The following RPS6KA2 variants were observed in gnomAD, a reference collection of about 807,000 sequenced individuals.
RPS6KA2 encodes the protein ribosomal protein S6 kinase alpha-2.
In RPS6KA2, 42 loss-of-function variants were observed where a neutral mutation model predicts 91.8. The ratio of observed to expected loss-of-function variants is 0.46; its 90% CI spans 0.36 to 0.59. RPS6KA2 has a LOEUF of 0.59. RPS6KA2 is among the 20% of genes least tolerant of loss of function. RPS6KA2 has a pLI of 0.00. For synonymous variants in RPS6KA2, 414 were observed against 393.6 expected (o/e 1.05, Z -0.61); for missense variants, 798 against 978.5 (o/e 0.82, Z 2.46).
Position 166,495,550 on chromosome 6 carries a change from G to A in RPS6KA2, c.747+2958C>T, listed in dbSNP as rs1019079591. ...GGTGGGGACTCCAGGATGGGTGAAG[G>A]CTGCCGGGCACTGGGTCTGGGTGTG... On this transcript the variant is annotated intron_variant, in intron 8 of 20. Coordinates refer to ENST00000265678, the MANE Select transcript of RPS6KA2 (RefSeq NM_021135.6). This position sits in a 1 kb window ranked among gnomAD's most constrained non-coding sequence, Gnocchi z 4.4. 6.6e-6 allele frequency among the ~76,000 whole-genome samples: 1 copy of A among 152,134 alleles called. No individual in the cohort carries two copies. Among genetic ancestry groups the A allele is most frequent in the African/African-American group, 2.4e-5 (1 of 41,418 alleles).
intron 5 of RPS6KA2, among the ~76,000 whole-genome samples, chr6:166,506,569 T>G (rs1782233110): frequency 6.9e-6 from 1 of 144,814 alleles, no homozygotes; most frequent in African/African-American, 2.6e-5. Context: ...GTGTAGAGCT[T>G]GGATCAGGTT....
At chr6:166,752,771 C>T (rs898653391) in intron 2 of RPS6KA2, among the ~76,000 whole-genome samples, 6 of 152,188 alleles carry the variant, frequency 3.9e-5, no homozygotes, top group African/African-American at 1.4e-4. Context: ...TAGCCTCTCC[C>T]CCTGACTCTC....
intron 2 of RPS6KA2, among the ~76,000 whole-genome samples, chr6:166,690,559 G>A (rs373534661): frequency 1.3e-5 from 2 of 152,170 alleles, no homozygotes; most frequent in African/African-American, 2.4e-5. Context: ...TCGAAGACAC[G>A]CGTCGGAACT....
chr6:166,831,539 C>T (rs1259851977), intron 2 of RPS6KA2, among the ~76,000 whole-genome samples: 1 of 151,898 alleles, frequency 6.6e-6, no homozygotes, highest in Non-Finnish European at 1.5e-5. Context: ...TCACAGGCTC[C>T]TTCTTCCCAC....
At chr6:166,792,712 A>G (rs1244740580) in intron 2 of RPS6KA2, among the ~76,000 whole-genome samples, 1 of 152,244 alleles carries the variant, frequency 6.6e-6, no homozygotes, top group African/African-American at 2.4e-5. Flanking sequence ...ATGCAAATCA[A>G]TAAACATAAT....
rs373805754 is a variant in RPS6KA2 at position 166,498,788 on chromosome 6, C to T, written c.605-138G>A. The T allele has an allele frequency of 1.4e-4, 156 of 1,141,828 alleles. No homozygotes were observed. The African/African-American group carries it at 2.0e-3, about 15-fold the overall frequency. The allele number at this position is 1,141,828 out of a possible 1,614,324, so 70.7% of individuals were successfully genotyped here. A position where few individuals can be genotyped will look rare whatever the true frequency, so the allele number is the denominator to read the frequency against. ...GCAGCAGAGCCCTGCTCAGCAAAAG[C>T]GGGACCATGTGAGTGCTTCCCGAAG... On this transcript the variant is annotated intron_variant, in intron 7 of 20. Coordinates refer to ENST00000265678, the MANE Select transcript of RPS6KA2 (RefSeq NM_021135.6).
intron 1 of RPS6KA2, among the ~76,000 whole-genome samples, chr6:166,546,779 G>A (rs1408063019): frequency 6.6e-6 from 1 of 152,164 alleles, no homozygotes; most frequent in Non-Finnish European, 1.5e-5. Flanking sequence ...CAACATATTG[G>A]TGAATGTTTG....
intron 3 of RPS6KA2, among the ~76,000 whole-genome samples, chr6:166,517,248 AT>A (rs931705186): frequency 6.6e-6 from 1 of 152,126 alleles, no homozygotes; most frequent in Non-Finnish European, 1.5e-5. Flanking sequence ...TAATCCCAAC[AT>A]TTTGGGAGGC....
chr6:166,533,728 C>G lies in RPS6KA2; in HGVS notation c.217-2415G>C, dbSNP rs1323552297. 7.2e-5 allele frequency among the ~76,000 whole-genome samples: 11 copies of G among 152,202 alleles called. No individual in the cohort carries two copies. Among genetic ancestry groups the G allele is most frequent in the Admixed American group, 6.5e-4 (10 of 15,284 alleles). On this transcript the variant is annotated intron_variant, in intron 2 of 20. Transcript: ENST00000265678. The surrounding 1 kb of genome is among the most constrained non-coding windows in gnomAD (Gnocchi z 4.0). Reference sequence around the variant, plus strand: ...GACTTTGGTAGGGTGACAGATGAATCTATCCATTCCATTGCGGCGAAGCTG... The same window carrying G: ...GACTTTGGTAGGGTGACAGATGAATGTATCCATTCCATTGCGGCGAAGCTG...
chr6:166,833,169 A>G (rs1402449376), intron 2 of RPS6KA2, among the ~76,000 whole-genome samples: 1 of 152,244 alleles, frequency 6.6e-6, no homozygotes, highest in Non-Finnish European at 1.5e-5. Flanking sequence ...TGATGAAACA[A>G]GCTTAGAAAA....
chr6:166,840,769 C>T (rs1780451565), intron 2 of RPS6KA2, among the ~76,000 whole-genome samples: 1 of 152,140 alleles, frequency 6.6e-6, no homozygotes, highest in Non-Finnish European at 1.5e-5. Context: ...CGAGACCAGC[C>T]TGACCAACAT....
At chr6:166,649,324 CA>C (rs1167896400) in intron 2 of RPS6KA2, among the ~76,000 whole-genome samples, 1 of 152,204 alleles carries the variant, frequency 6.6e-6, no homozygotes, top group Non-Finnish European at 1.5e-5. Context: ...TGCATTTCCT[CA>C]TTTCCCATTA....
chr6:166,475,506 T>C (rs1355529512), intron 10 of RPS6KA2, among the ~76,000 whole-genome samples: 2 of 152,024 alleles, frequency 1.3e-5, no homozygotes, highest in African/African-American at 4.8e-5. Context: ...CCACACCCCG[T>C]CCAGCATCTG....
At chr6:166,510,125 G>A (rs1458306133) in intron 4 of RPS6KA2, 152 bp downstream of exon 4, 5 of 457,578 alleles carry the variant, frequency 1.1e-5, no homozygotes, top group Admixed American at 4.0e-5. Context: ...AAGTGATCAG[G>A]ATAGAAGGCA....
intron 2 of RPS6KA2, among the ~76,000 whole-genome samples, chr6:166,660,095 A>G (rs1162171242): frequency 6.6e-6 from 1 of 152,086 alleles, no homozygotes; most frequent in African/African-American, 2.4e-5. Context: ...TTAAACAAAC[A>G]TTTCCCATTA....
intron 2 of RPS6KA2, among the ~76,000 whole-genome samples, chr6:166,813,017 T>C (rs1779677700): frequency 6.6e-6 from 1 of 152,066 alleles, no homozygotes; most frequent in African/African-American, 2.4e-5. Context: ...CCAAACTAAA[T>C]CCTGAGACAC....
chr6:166,416,735 A>C (rs951633629), intron 19 of RPS6KA2, among the ~76,000 whole-genome samples: 1 of 148,584 alleles, frequency 6.7e-6, no homozygotes, highest in East Asian at 2.0e-4. Flanking sequence ...ATCCCTCCAC[A>C]ATCACCTCCA....
rs1467506718 is a variant in RPS6KA2 at position 166,410,227 on chromosome 6, T to A, written c.*2535A>T. On this transcript the variant is annotated 3_prime_UTR_variant, in exon 21 of 21. Coordinates refer to ENST00000265678, the MANE Select transcript of RPS6KA2 (RefSeq NM_021135.6). ...GTGTGAGGAAGGAGAGCCAGTTAAC[T>A]TTTGGGGAGGTCTATGTCATTTGTG... The A allele has an allele frequency of 1.3e-5, 2 of 152,170 alleles. No individual in the cohort carries two copies. Among genetic ancestry groups the A allele is most frequent in the Admixed American group, 6.5e-5 (1 of 15,278 alleles). The allele number at this position is 152,170 out of a possible 1,614,324, so 9.4% of individuals were successfully genotyped here. A position where few individuals can be genotyped will look rare whatever the true frequency, so the allele number is the denominator to read the frequency against.
chr6:166,415,439 T>C (rs1778465480), intron 19 of RPS6KA2, among the ~76,000 whole-genome samples: 1 of 152,172 alleles, frequency 6.6e-6, no homozygotes, highest in African/African-American at 2.4e-5. Context: ...GGTTCTGTTG[T>C]GTGCTAAGTA....
Sources: gnomAD v4.1 joint callset for allele counts (sites outside exome capture counted in the v4.1 genomes callset) on GRCh38, gnomAD v4.1.1 for gene constraint, Gnocchi (gnomAD v3.1) non-coding constraint, MANE v1.5 for transcripts, NCBI Gene and HGNC (gene_info 2026-07-23, HGNC 2026-07-21) for gene names.